ADGRV1: variants seen among roughly 807,000 people sequenced by gnomAD.
ADGRV1 encodes the protein adhesion G protein-coupled receptor V1.
A neutral mutation model predicts 596.2 loss-of-function variants in ADGRV1; 359 were observed. That is an observed-to-expected ratio of 0.60 (90% CI 0.55 to 0.66). The LOEUF (loss-of-function observed/expected upper bound fraction) is 0.66. Ranked by LOEUF, ADGRV1 falls within the 30% of genes least tolerant of loss-of-function variation. The pLI, the probability that ADGRV1 is intolerant of heterozygous loss-of-function variation, is 0.00. For synonymous variants in ADGRV1, 2,681 were observed against 2,679.2 expected, an observed-to-expected ratio of 1.00 and a Z score of -0.02; for missense variants, 7,274 against 7,575.6, an observed-to-expected ratio of 0.96 and a Z score of 1.48.
intron 83 of ADGRV1, among the ~76,000 whole-genome samples, chr5:90,893,177 A>G (rs1171928206): frequency 6.6e-6 from 1 of 152,188 alleles, no homozygotes; most frequent in Non-Finnish European, 1.5e-5. Flanking sequence ...TCTGTTTCCA[A>G]GATGACTGAC....
intron 1 of ADGRV1, among the ~76,000 whole-genome samples, chr5:90,580,700 G>T (rs1757910288): frequency 6.6e-6 from 1 of 152,100 alleles, no homozygotes; most frequent in Admixed American, 6.6e-5. Context: ...TTTCTCTCTG[G>T]CTGCCCTTAA....
At chr5:90,641,758 T>G (rs967304985) in intron 11 of ADGRV1, among the ~76,000 whole-genome samples, 1 of 152,176 alleles carries the variant, frequency 6.6e-6, no homozygotes, top group African/African-American at 2.4e-5. Flanking sequence ...TATTTTTGGT[T>G]CAATAGGACG....
intron 87 of ADGRV1, among the ~76,000 whole-genome samples, chr5:91,123,166 G>T (rs147848530): frequency 6.6e-6 from 1 of 151,558 alleles, no homozygotes; most frequent in Admixed American, 6.6e-5. Flanking sequence ...ATCTCACAGG[G>T]TTGTTGGGAG....
At chr5:90,622,816 A>G (rs895855635) in intron 5 of ADGRV1, 115 bp downstream of exon 5, 98 of 387,380 alleles carry the variant, frequency 2.5e-4, no homozygotes, top group Non-Finnish European at 3.6e-4. Context: ...TCTCAGCTCA[A>G]TGCAACCTCT....
intron 76 of ADGRV1, among the ~76,000 whole-genome samples, chr5:90,824,680 C>T (rs1763919142): frequency 6.6e-6 from 1 of 152,144 alleles, no homozygotes; most frequent in Admixed American, 6.5e-5. Flanking sequence ...TCAATAGGCT[C>T]TTGGAAACTG....
chr5:90,578,322 G>A (rs1757510187), intron 1 of ADGRV1, among the ~76,000 whole-genome samples: 1 of 152,182 alleles, frequency 6.6e-6, no homozygotes, highest in African/African-American at 2.4e-5. Context: ...TTAGCATGAA[G>A]TGCTGTTGAA....
chr5:90,934,722 A>C (rs147465778), intron 83 of ADGRV1, among the ~76,000 whole-genome samples: 7 of 152,344 alleles, frequency 4.6e-5, no homozygotes. Flanking sequence ...AGACTGTGTG[A>C]CTTAAACAAC....
chr5:91,148,340 A>G (rs1795730281), intron 87 of ADGRV1, among the ~76,000 whole-genome samples: 1 of 152,166 alleles, frequency 6.6e-6, no homozygotes, highest in Non-Finnish European at 1.5e-5. Flanking sequence ...TATGAGAGAA[A>G]GATGGTATCC....
intron 87 of ADGRV1, among the ~76,000 whole-genome samples, chr5:91,106,832 G>A (rs371088081): frequency 6.6e-6 from 1 of 152,136 alleles, no homozygotes; most frequent in Non-Finnish European, 1.5e-5. Context: ...TTAGCAACTG[G>A]GTACAGAGAT....
intron 75 of ADGRV1, among the ~76,000 whole-genome samples, chr5:90,817,053 C>T (rs1331431699): frequency 1.3e-5 from 2 of 152,192 alleles, no homozygotes; most frequent in Non-Finnish European, 2.9e-5. Context: ...TCCTATTTCT[C>T]CACACCCTTT....
chr5:91,070,922 G>C (rs893116537), intron 85 of ADGRV1, among the ~76,000 whole-genome samples: 1 of 152,188 alleles, frequency 6.6e-6, no homozygotes, highest in African/African-American at 2.4e-5. Context: ...GATGACAAGA[G>C]TGGAGCCCTG....
At chr5:90,851,179 C>T (rs1396071322) in intron 79 of ADGRV1, among the ~76,000 whole-genome samples, 1 of 125,874 alleles carries the variant, frequency 7.9e-6, no homozygotes, top group Non-Finnish European at 1.7e-5. Flanking sequence ...ATGAATCTGA[C>T]TTTGGATTTT....
intron 83 of ADGRV1, among the ~76,000 whole-genome samples, chr5:90,939,168 C>T (rs1487019601): frequency 6.6e-6 from 1 of 152,136 alleles, no homozygotes; most frequent in Non-Finnish European, 1.5e-5. Flanking sequence ...GAAAGGGAAG[C>T]ACATTGTCAG....
At chr5:91,074,839 T>A (rs546605306) in intron 86 of ADGRV1, among the ~76,000 whole-genome samples, 84 of 152,364 alleles carry the variant, frequency 5.5e-4, no homozygotes, top group African/African-American at 1.9e-3. Context: ...TGCCAGCATC[T>A]GTTATTTTTT....
At chr5:90,958,971 TTA>T (rs1321113134) in intron 83 of ADGRV1, among the ~76,000 whole-genome samples, 1 of 152,140 alleles carries the variant, frequency 6.6e-6, no homozygotes, top group Admixed American at 6.5e-5. Flanking sequence ...TAGTGTGTGT[TTA>T]TGTGTGTGTG....
intron 1 of ADGRV1, among the ~76,000 whole-genome samples, chr5:90,567,999 A>G (rs528056215): frequency 1.1e-4 from 17 of 152,188 alleles, no homozygotes; most frequent in Middle Eastern, 3.4e-3. Context: ...CGGCCTCCCA[A>G]AGTATTGGGA....
chr5:90,759,768 A>G, intron 58 of ADGRV1, 180 bp downstream of exon 58: 1 of 587,754 alleles, frequency 1.7e-6, no homozygotes, highest in Non-Finnish European at 3.1e-6. Context: ...GATTGACACC[A>G]TCCTGGCCAA....
At chr5:90,822,808 G>A (rs867270533) in intron 75 of ADGRV1, among the ~76,000 whole-genome samples, 3 of 152,104 alleles carry the variant, frequency 2.0e-5, no homozygotes, top group African/African-American at 7.2e-5. Flanking sequence ...ATTTCATTGA[G>A]CAGTGGTTTA....
At chr5:90,868,467 GC>G (rs1208700749) in intron 83 of ADGRV1, among the ~76,000 whole-genome samples, 1 of 151,824 alleles carries the variant, frequency 6.6e-6, no homozygotes, top group Non-Finnish European at 1.5e-5. Flanking sequence ...TATGAACAAG[GC>G]CTTTATTCTG....
Sources: allele counts gnomAD v4.1 joint callset (sites outside exome capture counted in the v4.1 genomes callset), GRCh38; gene constraint gnomAD v4.1.1; transcripts MANE v1.5; gene names NCBI Gene and HGNC (gene_info 2026-07-23, HGNC 2026-07-21).